Variants in ZSCAN10 observed in about 807,000 individuals in gnomAD.
ZSCAN10 encodes the protein zinc finger and SCAN domain containing 10, also known as zinc finger and SCAN domain-containing protein 10.
A neutral mutation model predicts 63.7 loss-of-function variants in ZSCAN10; 52 were observed. The ratio of observed to expected loss-of-function variants is 0.82; its 90% CI spans 0.65 to 1.03. The LOEUF (loss-of-function observed/expected upper bound fraction) is 1.03, where lower values mean the gene tolerates loss of function less well. Ranked by LOEUF, ZSCAN10 falls within the 50% of genes least tolerant of loss-of-function variation. The probability of loss-of-function intolerance (pLI) is 0.00; values close to 1 mark genes in which losing one functional copy is unlikely to be tolerated. For synonymous variants in ZSCAN10, 544 were observed against 479.6 expected, an observed-to-expected ratio of 1.13 and a Z score of -1.76; for missense variants, 1,223 against 1,103.8, an observed-to-expected ratio of 1.11 and a Z score of -1.53.
rs1957026359 is a variant in ZSCAN10 at position 3,089,203 on chromosome 16, A to G, written c.2231T>C (p.Leu744Pro). The change falls in exon 6 of 6, where the codon CTG (leucine) becomes CCG (proline). Residue 744 changes from leucine (L) to proline (P), a missense_variant. Leu to Pro is a moderately conservative substitution (Grantham distance 98). Transcript: ENST00000576985. ...GTAGGGCCTGGCGCCCGTGTGCACCAGCAGGTGTCGCAGCAGATTGCAGCT... is the reference window on the plus strand; with the variant it reads ...GTAGGGCCTGGCGCCCGTGTGCACCGGCAGGTGTCGCAGCAGATTGCAGCT... Reference protein sequence around the residue: ...SRSCNLLRHLLVHTGARPYSC... With the variant: ...SRSCNLLRHLPVHTGARPYSC... The G allele has an allele frequency of 1.3e-6, 2 of 1,542,552 alleles. No homozygotes were observed. The highest frequency in any genetic ancestry group is 1.7e-6 in the Non-Finnish European group (2 of 1,150,910).
At position 3,089,108 on chromosome 16, in the gene ZSCAN10, G is replaced by C. The variant is rs141059976; in HGVS notation, c.2326C>G (p.Arg776Gly). 1 of 1,504,088 alleles carries C rather than the reference G, an allele frequency of 6.6e-7. No homozygotes were observed. The highest frequency in any genetic ancestry group is 8.8e-7 in the Non-Finnish European group (1 of 1,138,076). The allele number at this position is 1,504,088 out of a possible 1,614,324, so 93.2% of individuals were successfully genotyped here. Reference sequence around the variant, plus strand: ...GGGCCAAGCTAGTACAGCGTCTCGCGGGCGTGGGTGCGCAGGTGGCGCAGC... The same window carrying C: ...GGGCCAAGCTAGTACAGCGTCTCGCCGGCGTGGGTGCGCAGGTGGCGCAGC... ...HLLRHLRTHA[R>G]ETLY Residue 776 changes from arginine to glycine, a missense_variant, in exon 6 of 6, where the codon CGC (arginine) becomes GGC (glycine). By Grantham distance (125) the Arg-to-Gly change is moderately radical (BLOSUM62 -2). Transcript: ENST00000576985.
At chr16:3,094,589 C>T (rs1336071695) in intron 1 of ZSCAN10, among the ~76,000 whole-genome samples, 1 of 152,192 alleles carries the variant, frequency 6.6e-6, no homozygotes, top group East Asian at 1.9e-4. Context: ...AGGTGATCCG[C>T]CCGCTTCGGT....
intron 1 of ZSCAN10, 147 bp from the exon 2 acceptor site, chr16:3,093,151 C>T (rs1957109614): frequency 9.9e-6 from 5 of 503,272 alleles, no homozygotes; most frequent in African/African-American, 5.9e-5. Context: ...AGGACAGCCC[C>T]CGGTCTCAGG....
intron 1 of ZSCAN10, among the ~76,000 whole-genome samples, chr16:3,096,206 G>A (rs1222024232): frequency 6.6e-6 from 1 of 152,192 alleles, no homozygotes; most frequent in African/African-American, 2.4e-5. Flanking sequence ...GATGATTTAA[G>A]CTTTTCTGAG....
intron 1 of ZSCAN10, among the ~76,000 whole-genome samples, chr16:3,098,747 A>G (rs2151219996): frequency 6.6e-6 from 1 of 152,300 alleles, no homozygotes; most frequent in Non-Finnish European, 1.5e-5. Context: ...CCCGGGGTGG[A>G]GGTGCTGCCA....
chr16:3,092,420 G>C, intron 2 of ZSCAN10, 104 bp from the exon 3 acceptor site: 3 of 1,503,342 alleles, frequency 2.0e-6, no homozygotes, highest in Non-Finnish European at 2.7e-6. Flanking sequence ...GCCAGGGGAG[G>C]AGTTAGGAGG....
Position 3,094,055 on chromosome 16 carries a change from C to T in ZSCAN10, c.-67-1051G>A, listed in dbSNP as rs959979730. On this transcript the variant is annotated intron_variant, in intron 1 of 5. Coordinates refer to ENST00000576985, the MANE Select transcript of ZSCAN10 (RefSeq NM_032805.3). Reference sequence around the variant, plus strand: ...TGAGACAGGGTCTCACTCTGTCACGCAGGCTGCAGTGCAGTGGCGCAATCA... The same window carrying T: ...TGAGACAGGGTCTCACTCTGTCACGTAGGCTGCAGTGCAGTGGCGCAATCA... 3.3e-5 allele frequency among the ~76,000 whole-genome samples: 5 copies of T among 152,294 alleles called. No individual in the cohort carries two copies. The East Asian group carries it at 9.6e-4, about 29-fold the overall frequency.
chr16:3,094,488 A>C (rs1341760436), intron 1 of ZSCAN10, among the ~76,000 whole-genome samples: 1 of 152,096 alleles, frequency 6.6e-6, no homozygotes, highest in African/African-American at 2.4e-5. Flanking sequence ...TGGGATTACA[A>C]GCACGCGCCA....
rs759776811 is a variant in ZSCAN10 at position 3,089,741 on chromosome 16, G to A, written c.1693C>T (p.Leu565=). Residue 565 remains leucine, a synonymous_variant, in exon 6 of 6, where the codon CTG becomes TTG. Transcript: ENST00000576985. Reference sequence around the variant, plus strand: ...GTGTGCACCCGTTGGTGGCTGACCAGCTGCGAGCTCTGCGTGAAGCTGCGG... The same window carrying A: ...GTGTGCACCCGTTGGTGGCTGACCAACTGCGAGCTCTGCGTGAAGCTGCGG... ...CGRSFTQSSQ[L]VSHQRVHTGE... 1.8e-5 allele frequency: 29 copies of A among 1,601,896 alleles called. 1 individual carries two copies. The South Asian group carries it at 3.1e-4, about 17-fold the overall frequency.
In ZSCAN10 at chr16:3,090,242, G is replaced by C. The variant is rs368631681; in HGVS notation, c.1192C>G (p.His398Asp). The C allele has an allele frequency of 1.9e-6, 3 of 1,608,084 alleles. No homozygotes were observed. Among genetic ancestry groups the C allele is most frequent in the Non-Finnish European group, 2.5e-6 (3 of 1,179,682 alleles). ...CAGGCGTGCGGCCGCTCGTCCGTGTGAGTGCGCATGTGCAGCTTGAGAATG... is the reference window on the plus strand; with the variant it reads ...CAGGCGTGCGGCCGCTCGTCCGTGTCAGTGCGCATGTGCAGCTTGAGAATG... ...SSILKLHMRT[H>D]TDERPHACHL... The change falls in exon 6 of 6, where the codon CAC becomes GAC. Residue 398 changes from histidine (H) to aspartate (D), a missense_variant. His to Asp is a moderately conservative substitution (Grantham distance 81, BLOSUM62 -1). Transcript: ENST00000576985.
Position 3,090,135 on chromosome 16 carries a change from C to T in ZSCAN10, c.1299G>A (p.Leu433=), listed in dbSNP as rs1226864642. Residue 433 remains leucine (L), a synonymous_variant, in exon 6 of 6, where the codon CTG becomes CTA. Transcript: ENST00000576985. ...LLTHSSEPAF[L]CAECGRGFQR... is the part of the protein sequence containing the mutation. ...GGAAGCCGCGGCCGCACTCTGCGCA[C>T]AGGAAGGCGGGTTCGGAGGAGTGGG... The T allele has an allele frequency of 1.7e-5, 27 of 1,600,454 alleles. No homozygotes were observed. The highest frequency in any genetic ancestry group is 2.1e-5 in the Non-Finnish European group (25 of 1,176,962).
Position 3,089,773 on chromosome 16 carries a change from G to A in ZSCAN10, c.1661C>T (p.Ala554Val), listed in dbSNP as rs769688445. 1.9e-6 allele frequency: 3 copies of A among 1,596,176 alleles called. No individual in the cohort carries two copies. The highest frequency in any genetic ancestry group is 2.5e-6 in the Non-Finnish European group (3 of 1,177,842). The part of the protein sequence containing the change: ...HTGERPFSCQ[A>V]CGRSFTQSSQ... ...GCTCTGCGTGAAGCTGCGGCCGCAA[G>A]CCTGGCAGGAGAAGGGCCGCTCGCC... Residue 554 changes from alanine (A) to valine (V), a missense_variant, in exon 6 of 6, where the codon GCT (alanine) becomes GTT (valine). Physicochemically the swap from Ala to Val is moderately conservative, Grantham distance 64. Coordinates refer to ENST00000576985, the MANE Select transcript of ZSCAN10 (RefSeq NM_032805.3).
At position 3,090,153 on chromosome 16, in the gene ZSCAN10, G is replaced by C. The variant is rs761537183; in HGVS notation, c.1281C>G (p.Ser427=). The part of the protein sequence containing the change: ...SHLSKHLLTH[S]SEPAFLCAEC... ...CTGCGCACAGGAAGGCGGGTTCGGA[G>C]GAGTGGGTCAGCAGGTGCTTGCTCA... Residue 427 remains serine (S), a synonymous_variant, in exon 6 of 6, where the codon TCC becomes TCG. Transcript: ENST00000576985. 2.5e-6 allele frequency: 4 copies of C among 1,602,050 alleles called. No individual in the cohort carries two copies. Among genetic ancestry groups the C allele is most frequent in the Non-Finnish European group, 2.5e-6 (3 of 1,177,592 alleles).
In ZSCAN10 at chr16:3,090,321, C is replaced by A. The variant is rs144122567; in HGVS notation, c.1113G>T (p.Pro371=). 1 of 1,609,578 alleles carries A rather than the reference C, an allele frequency of 6.2e-7. No homozygotes were observed. The highest frequency in any genetic ancestry group is 2.2e-5 in the East Asian group (1 of 44,824). Residue 371 remains proline, a synonymous_variant, in exon 6 of 6, where the codon CCG becomes CCT. Transcript: ENST00000576985. ...AAAGGCACAGGAAGGAGCGCCCAGC[C>A]GGGTGCGAGCGCAGCTGGTGCGCCT... The part of the protein sequence containing the change: ...RLKAHQLRSH[P]AGRSFLCLCC...
At position 3,092,141 on chromosome 16, in the gene ZSCAN10, G is replaced by C. The variant is rs774156218; in HGVS notation, c.572C>G (p.Pro191Arg). The change falls in exon 3 of 6, where the codon CCT (proline) becomes CGT (arginine). Residue 191 changes from proline (P) to arginine (R), a missense_variant. Coordinates refer to ENST00000576985, the MANE Select transcript of ZSCAN10 (RefSeq NM_032805.3). ...AAGCCTCCACTGTCCCGGCTCAGCA[G>C]GCTGGGCAGCCCTTGGCTGGGGTCG... ...PPRPQPRAAQ[P>R]AEPGQWRLPP... The C allele has an allele frequency of 6.2e-7, 1 of 1,613,370 alleles. No homozygotes were observed. Among genetic ancestry groups the C allele is most frequent in the South Asian group, 1.1e-5 (1 of 91,042 alleles).
rs367585417 is a variant in ZSCAN10, at chr16:3,090,364, G to A, written c.1070C>T (p.Pro357Leu). 1.9e-6 allele frequency: 3 copies of A among 1,612,488 alleles called. No homozygotes were observed. The highest frequency in any genetic ancestry group is 1.3e-5 in the African/African-American group (1 of 74,918). Reference sequence around the variant, plus strand: ...GTGCGCCTTCAGGCGAGACAGCTGCGGGAAGCTCACCCCGCAGTCCGCGCA... The same window carrying A: ...GTGCGCCTTCAGGCGAGACAGCTGCAGGAAGCTCACCCCGCAGTCCGCGCA... ...FICADCGVSFPQLSRLKAHQL... is the reference protein window; with the variant it reads ...FICADCGVSFLQLSRLKAHQL... The change falls in exon 6 of 6, where the codon CCG becomes CTG. Residue 357 changes from proline to leucine, a missense_variant. Physicochemically the swap from Pro to Leu is moderately conservative, Grantham distance 98. Transcript: ENST00000576985.
At position 3,092,508 on chromosome 16, in the gene ZSCAN10, G is replaced by A. The variant is rs202157471; in HGVS notation, c.396+34C>T. 7.4e-5 allele frequency: 108 copies of A among 1,468,182 alleles called. 1 individual carries two copies. The highest frequency in any genetic ancestry group is 2.1e-4 in the African/African-American group (15 of 71,054). 90.9% of individuals were successfully genotyped at this position (1,468,182 alleles called of 1,614,324 possible). A position where few individuals can be genotyped will look rare whatever the true frequency, so the allele number is the denominator to read the frequency against. ...TGGGGGGATCAAGTCCCCATCATCCGCATGCTGCTCAGCCCGCTGCCCCAC... is the reference window on the plus strand; with the variant it reads ...TGGGGGGATCAAGTCCCCATCATCCACATGCTGCTCAGCCCGCTGCCCCAC... On this transcript the variant is annotated intron_variant, in intron 2 of 5. Transcript: ENST00000576985.
Position 3,089,460 on chromosome 16 carries a change from C to T in ZSCAN10, c.1974G>A (p.Gly658=), listed in dbSNP as rs144693316. The change falls in exon 6 of 6, where the codon GGG becomes GGA. Residue 658 remains glycine (G), a synonymous_variant. Transcript: ENST00000576985. ...HLARHQRIHT[G]EKPHACDTCG... The stretch of plus-strand genomic sequence containing the variant: ...AGGTGTCGCAGGCGTGGGGCTTCTC[C>T]CCTGTGTGGATGCGCTGGTGGCGCG... 6.7e-5 allele frequency: 107 copies of T among 1,605,370 alleles called. No homozygotes were observed. The African/African-American group carries it at 1.3e-3, about 19-fold the overall frequency.
intron 1 of ZSCAN10, among the ~76,000 whole-genome samples, chr16:3,094,509 C>A (rs190887122): frequency 6.6e-6 from 1 of 152,228 alleles, no homozygotes; most frequent in East Asian, 1.9e-4. Context: ...CCGCATGCCG[C>A]TAATTTTGTA....
Sources: allele counts gnomAD v4.1 joint callset (sites outside exome capture counted in the v4.1 genomes callset), GRCh38; gene constraint gnomAD v4.1.1; transcripts MANE v1.5; gene names NCBI Gene and HGNC (gene_info 2026-07-23, HGNC 2026-07-21).